The following VAT1L variants were observed in gnomAD, a reference collection of about 807,000 sequenced individuals.
The protein encoded by VAT1L is putative NADPH-dependent quinone oxidoreductase VAT1L.
Under a neutral mutation model 44.1 loss-of-function variants are expected in VAT1L, and 34 were observed. The observed-to-expected ratio is 0.77, with a 90% CI of 0.59 to 1.03. The LOEUF is 1.03. VAT1L is among the 50% of genes least tolerant of loss of function. VAT1L has a pLI of 0.00. For synonymous variants in VAT1L, 253 were observed against 202.2 expected, an observed-to-expected ratio of 1.25 and a Z score of -2.13; for missense variants, 615 against 538.8, an observed-to-expected ratio of 1.14 and a Z score of -1.40.
At chr16:77,963,864 G>C (rs918723116) in intron 7 of VAT1L, among the ~76,000 whole-genome samples, 3 of 152,194 alleles carry the variant, frequency 2.0e-5, no homozygotes, top group African/African-American at 7.2e-5. Context: ...AGCAATCAGA[G>C]ACGAGCTGTC....
intron 7 of VAT1L, among the ~76,000 whole-genome samples, chr16:77,950,859 A>ATCC (rs2018033822): frequency 6.6e-6 from 1 of 152,336 alleles, no homozygotes; most frequent in South Asian, 2.1e-4. Context: ...CAAACTGTTT[A>ATCC]TCACTGGTAA....
chr16:77,979,325 A>C lies in VAT1L; in HGVS notation c.*1630A>C, dbSNP rs2018374608. 2 of 152,286 alleles carry C rather than the reference A, an allele frequency of 1.3e-5. No individual in the cohort carries two copies. Among genetic ancestry groups the C allele is most frequent in the Non-Finnish European group, 2.9e-5 (2 of 68,032 alleles). 9.4% of individuals were successfully genotyped at this position (152,286 alleles called of 1,614,324 possible). ...GGAACCAAGGGGTGAGAGTATCCCA[A>C]AGGAGGACACCAGCATCATCTTTTC... On this transcript the variant is annotated 3_prime_UTR_variant, in exon 9 of 9. Transcript: ENST00000302536.
chr16:77,929,274 C>A (rs138059285), intron 7 of VAT1L, among the ~76,000 whole-genome samples: 4 of 152,126 alleles, frequency 2.6e-5, no homozygotes, highest in Non-Finnish European at 5.9e-5. Flanking sequence ...GCCTGAACAG[C>A]GGGATACTCT....
At chr16:77,818,908 T>C (rs1032096279) in intron 2 of VAT1L, among the ~76,000 whole-genome samples, 5 of 152,206 alleles carry the variant, frequency 3.3e-5, no homozygotes, top group African/African-American at 9.6e-5. Flanking sequence ...TGAATAGCTC[T>C]CTTGGTTTGA....
Position 77,899,482 on chromosome 16 carries a change from A to G in VAT1L, c.1077+14680A>G, listed in dbSNP as rs576580400. ...AACCCTTGCTCTTCCTGCCTGTTTC[A>G]AAGTCTATTGCAAGCAGTGTGTAAG... is the stretch of plus-strand genomic sequence containing the variant. On this transcript the variant is annotated intron_variant, in intron 7 of 8. Coordinates refer to ENST00000302536, the MANE Select transcript of VAT1L (RefSeq NM_020927.3). 2.6e-5 allele frequency among the ~76,000 whole-genome samples: 4 copies of G among 152,332 alleles called. No homozygotes were observed. In the South Asian group the frequency reaches 8.3e-4, roughly 32 times the overall value.
At chr16:77,932,537 C>T (rs917764566) in intron 7 of VAT1L, among the ~76,000 whole-genome samples, 1 of 152,188 alleles carries the variant, frequency 6.6e-6, no homozygotes, top group Non-Finnish European at 1.5e-5. Flanking sequence ...CTTCATATCT[C>T]ACTGAATACA....
chr16:77,848,794 T>C (rs1368680280), intron 3 of VAT1L, among the ~76,000 whole-genome samples: 1 of 152,080 alleles, frequency 6.6e-6, no homozygotes, highest in Non-Finnish European at 1.5e-5. Flanking sequence ...CCCACCCAAA[T>C]GCCCATCAAT....
intron 7 of VAT1L, among the ~76,000 whole-genome samples, chr16:77,969,395 A>T (rs1395058703): frequency 4.0e-5 from 6 of 151,126 alleles, no homozygotes. Flanking sequence ...TCAAATGGGG[A>T]AGGGTCTGCT....
chr16:77,955,495 C>T (rs1318451731), intron 7 of VAT1L, among the ~76,000 whole-genome samples: 3 of 152,144 alleles, frequency 2.0e-5, no homozygotes, highest in Non-Finnish European at 2.9e-5. Context: ...GACGCCAAGG[C>T]GGGAAGATTG....
chr16:77,889,468 G>A (rs1326911163), intron 7 of VAT1L, among the ~76,000 whole-genome samples: 1 of 152,180 alleles, frequency 6.6e-6, no homozygotes, highest in Non-Finnish European at 1.5e-5. Flanking sequence ...CAGTAACAGT[G>A]TTGAGAGCCT....
At chr16:77,907,745 C>T (rs1020747983) in intron 7 of VAT1L, among the ~76,000 whole-genome samples, 1 of 152,108 alleles carries the variant, frequency 6.6e-6, no homozygotes, top group African/African-American at 2.4e-5. Context: ...TCATAGTTCT[C>T]CTCCTCCCCT....
chr16:77,960,559 G>A (rs976441444), intron 7 of VAT1L, among the ~76,000 whole-genome samples: 1 of 152,170 alleles, frequency 6.6e-6, no homozygotes, highest in Non-Finnish European at 1.5e-5. Context: ...CCCATCACAA[G>A]GCAGGAATGA....
At chr16:77,859,375 A>G (rs780971615) in intron 3 of VAT1L, among the ~76,000 whole-genome samples, 1 of 152,142 alleles carries the variant, frequency 6.6e-6, no homozygotes, top group Non-Finnish European at 1.5e-5. Context: ...GCTCATGGCA[A>G]ATGCTAACTG....
At chr16:77,933,359 AGTT>A (rs1489240092) in intron 7 of VAT1L, among the ~76,000 whole-genome samples, 1 of 152,226 alleles carries the variant, frequency 6.6e-6, no homozygotes, top group Non-Finnish European at 1.5e-5. Context: ...TACCTTAAAC[AGTT>A]GTTGTGAGGA....
chr16:77,906,587 A>G (rs953119412), intron 7 of VAT1L, among the ~76,000 whole-genome samples: 4 of 152,228 alleles, frequency 2.6e-5, no homozygotes, highest in African/African-American at 9.6e-5. Flanking sequence ...GGGTTATCAA[A>G]GGCAGCTACT....
chr16:77,893,585 C>A (rs1018751237), intron 7 of VAT1L, among the ~76,000 whole-genome samples: 3 of 152,236 alleles, frequency 2.0e-5, no homozygotes, highest in African/African-American at 7.2e-5. Context: ...ACTGCTACTA[C>A]TATTACTACT....
At chr16:77,908,101 T>C (rs751504413) in intron 7 of VAT1L, among the ~76,000 whole-genome samples, 6 of 151,768 alleles carry the variant, frequency 4.0e-5, no homozygotes, top group Admixed American at 1.3e-4. Context: ...CAGCCGGGTG[T>C]GGTGGCGGAC....
intron 7 of VAT1L, among the ~76,000 whole-genome samples, chr16:77,899,152 C>T (rs1397952235): frequency 6.6e-6 from 1 of 151,846 alleles, no homozygotes; most frequent in Non-Finnish European, 1.5e-5. Context: ...TATTATTGCC[C>T]CCATTTTACA....
At chr16:77,899,948 T>G (rs2017363002) in intron 7 of VAT1L, among the ~76,000 whole-genome samples, 1 of 152,234 alleles carries the variant, frequency 6.6e-6, no homozygotes, top group East Asian at 1.9e-4. Context: ...TTTTTATTGT[T>G]TGGCAGTTGG....
Sources: gnomAD v4.1 joint callset for allele counts (sites outside exome capture counted in the v4.1 genomes callset) on GRCh38, gnomAD v4.1.1 for gene constraint, MANE v1.5 for transcripts, NCBI Gene and HGNC (gene_info 2026-07-23, HGNC 2026-07-21) for gene names.